Variants in RPS6KC1 observed in about 807,000 individuals in gnomAD.
RPS6KC1 encodes the protein inactive ribosomal protein S6 kinase delta-1.
RPS6KC1 carries 54 observed loss-of-function variants against 103.8 expected under a neutral mutation model. The ratio of observed to expected loss-of-function variants is 0.52; its 90% CI spans 0.42 to 0.65. The LOEUF (loss-of-function observed/expected upper bound fraction) is 0.65. RPS6KC1 is among the 30% of genes least tolerant of loss of function. The pLI is 0.00. For missense variants in RPS6KC1, 1,151 were observed against 1,253.8 expected (o/e 0.92, Z 1.24); for synonymous variants, 439 against 438.7 (o/e 1.00, Z -0.01).
the RPS6KC1 span, among the ~76,000 whole-genome samples, chr1:213,742,118 G>GTGCTCCTAGATTATTTGAACCACA: frequency 6.6e-6 from 1 of 151,890 alleles, no homozygotes; most frequent in African/African-American, 2.4e-5. Context: ...TGTTCTCCAC[G>GTGCTCCTAGATTATTTGAACCACA]AGTGCTCCTA....
intron 8 of RPS6KC1, among the ~76,000 whole-genome samples, chr1:213,213,744 G>A (rs1277775546): frequency 6.6e-6 from 1 of 152,064 alleles, no homozygotes; most frequent in African/African-American, 2.4e-5. Context: ...ATCTGTTTTA[G>A]TACTATCAAA....
At chr1:213,183,193 G>A (rs2092367507) in intron 8 of RPS6KC1, among the ~76,000 whole-genome samples, 1 of 152,026 alleles carries the variant, frequency 6.6e-6, no homozygotes, top group Non-Finnish European at 1.5e-5. Context: ...CTGATAGAAA[G>A]TGAAAGGAGA....
At chr1:213,068,871 A>ATATGTGTG (rs1553305784) in intron 1 of RPS6KC1, among the ~76,000 whole-genome samples, 2 of 93,738 alleles carry the variant, frequency 2.1e-5, no homozygotes, top group East Asian at 8.6e-4. Context: ...AAAAGTGTAT[A>ATATGTGTG]TATGTGTGTG....
the RPS6KC1 span, among the ~76,000 whole-genome samples, chr1:213,331,033 C>T: frequency 6.6e-6 from 1 of 152,072 alleles, no homozygotes; most frequent in Non-Finnish European, 1.5e-5. Context: ...TGATGGTTGG[C>T]TTTTTGTTAG....
the RPS6KC1 span, among the ~76,000 whole-genome samples, chr1:213,759,032 A>G: frequency 6.6e-6 from 1 of 152,236 alleles, no homozygotes; most frequent in East Asian, 1.9e-4. Context: ...CACATGCTAC[A>G]GAGACTCTTT....
At chr1:213,166,579 A>G (rs2090982603) in intron 6 of RPS6KC1, among the ~76,000 whole-genome samples, 2 of 152,220 alleles carry the variant, frequency 1.3e-5, no homozygotes, top group African/African-American at 4.8e-5. Context: ...GTTAATAAAT[A>G]AATGTAGATG....
chr1:213,148,688 C>G (rs2088194355), intron 6 of RPS6KC1, among the ~76,000 whole-genome samples: 1 of 152,066 alleles, frequency 6.6e-6, no homozygotes, highest in Non-Finnish European at 1.5e-5. Flanking sequence ...GTAATACTGG[C>G]CTCATAGAAC....
At chr1:213,466,959 G>GCCTTAAGGCT in the RPS6KC1 span, among the ~76,000 whole-genome samples, 1 of 151,254 alleles carries the variant, frequency 6.6e-6, no homozygotes, top group African/African-American at 2.4e-5. Flanking sequence ...AGGCATAAGA[G>GCCTTAAGGCT]CCTTAAGGAG....
chr1:213,707,710 A>C, the RPS6KC1 span, among the ~76,000 whole-genome samples: 1 of 152,150 alleles, frequency 6.6e-6, no homozygotes, highest in African/African-American at 2.4e-5. Flanking sequence ...TCTTGAGTTA[A>C]TTTTTGTATA....
At chr1:213,202,694 A>G (rs112027099) in intron 8 of RPS6KC1, among the ~76,000 whole-genome samples, 1,594 of 152,272 alleles carry the variant, frequency 0.01, 31 homozygotes, top group African/African-American at 0.036. Context: ...AGTGACAAAT[A>G]GGGTTAATTG....
chr1:213,635,336 C>G, the RPS6KC1 span, among the ~76,000 whole-genome samples: 7 of 152,202 alleles, frequency 4.6e-5, no homozygotes, highest in African/African-American at 1.4e-4. Flanking sequence ...GAATTTTAGA[C>G]CAATATCCCT....
At chr1:213,420,478 T>A in the RPS6KC1 span, among the ~76,000 whole-genome samples, 1 of 152,146 alleles carries the variant, frequency 6.6e-6, no homozygotes, top group African/African-American at 2.4e-5. Flanking sequence ...CCAACAATGC[T>A]TACAGACAAG....
the RPS6KC1 span, among the ~76,000 whole-genome samples, chr1:213,550,903 G>A: frequency 9.0e-4 from 137 of 152,266 alleles, 1 homozygote; most frequent in African/African-American, 2.9e-3. Flanking sequence ...CTTTCCCCAC[G>A]ACAGTTTCAG....
chr1:213,545,885 G>A, the RPS6KC1 span, among the ~76,000 whole-genome samples: 1 of 152,172 alleles, frequency 6.6e-6, no homozygotes, highest in Admixed American at 6.6e-5. Context: ...ACAGCTCTGG[G>A]ATGGGGGCTT....
chr1:213,622,805 G>A, the RPS6KC1 span, among the ~76,000 whole-genome samples: 7 of 152,086 alleles, frequency 4.6e-5, no homozygotes, highest in African/African-American at 7.2e-5. Context: ...GTCCTTTCCC[G>A]GGCTTAATGT....
chr1:213,261,083 TG>T (rs2094782918), intron 12 of RPS6KC1, among the ~76,000 whole-genome samples: 1 of 152,212 alleles, frequency 6.6e-6, no homozygotes, highest in Non-Finnish European at 1.5e-5. Context: ...TCTCCTACAA[TG>T]TGACATTGGA....
chr1:213,276,083 A>G (rs2095111958), downstream of RPS6KC1, among the ~76,000 whole-genome samples: 1 of 152,182 alleles, frequency 6.6e-6, no homozygotes, highest in Non-Finnish European at 1.5e-5. Flanking sequence ...GCATGTACTG[A>G]AGAGCATAAA....
At chr1:213,346,221 T>C in the RPS6KC1 span, among the ~76,000 whole-genome samples, 14 of 152,206 alleles carry the variant, frequency 9.2e-5, no homozygotes, top group Admixed American at 2.6e-4. Flanking sequence ...AGGACTGATG[T>C]ATTATAAGCT....
At chr1:213,757,598 A>T in the RPS6KC1 span, among the ~76,000 whole-genome samples, 1 of 152,256 alleles carries the variant, frequency 6.6e-6, no homozygotes, top group Non-Finnish European at 1.5e-5. Context: ...TTCAAGGTGG[A>T]GCAGCAAGTG....
Sources: allele counts gnomAD v4.1 joint callset (sites outside exome capture counted in the v4.1 genomes callset), GRCh38; gene constraint gnomAD v4.1.1; transcripts MANE v1.5; gene names NCBI Gene and HGNC (gene_info 2026-07-23, HGNC 2026-07-21).